CAB39L: variants seen among roughly 807,000 people sequenced by gnomAD.
CAB39L encodes calcium-binding protein 39-like.
A neutral mutation model predicts 39.1 loss-of-function variants in CAB39L; 23 were observed. The ratio of observed to expected loss-of-function variants is 0.59; its 90% CI spans 0.42 to 0.83. CAB39L has a LOEUF of 0.83. Among genes scored for constraint, CAB39L ranks in the 40% least tolerant of loss-of-function variants. The pLI, the probability that CAB39L is intolerant of heterozygous loss-of-function variation, is 0.00. For missense variants in CAB39L, 366 were observed against 391.9 expected (o/e 0.93, Z 0.56); for synonymous variants, 126 against 137.2 (o/e 0.92, Z 0.57).
chr13:49,335,830 A>T (rs1010604576), intron 9 of CAB39L, among the ~76,000 whole-genome samples: 9 of 152,338 alleles, frequency 5.9e-5, no homozygotes, highest in Admixed American at 6.5e-5. Flanking sequence ...TGACACCAGG[A>T]ATTAAGCAGT....
At chr13:49,373,842 G>T (rs1955987795) in intron 5 of CAB39L, among the ~76,000 whole-genome samples, 1 of 152,206 alleles carries the variant, frequency 6.6e-6, no homozygotes, top group Admixed American at 6.5e-5. Context: ...TAAGTCTGAA[G>T]TCAGAAGGAA....
At chr13:49,440,916 G>A (rs1957506508) in intron 1 of CAB39L, among the ~76,000 whole-genome samples, 1 of 151,912 alleles carries the variant, frequency 6.6e-6, no homozygotes, top group South Asian at 2.1e-4. Flanking sequence ...GGGTTTTCTA[G>A]GTATACAATC....
At chr13:49,391,070 T>A (rs968693596) in intron 3 of CAB39L, among the ~76,000 whole-genome samples, 5 of 152,274 alleles carry the variant, frequency 3.3e-5, no homozygotes, top group Admixed American at 2.0e-4. Context: ...ACTGTGAAAT[T>A]TCTGAACTCT....
intron 5 of CAB39L, among the ~76,000 whole-genome samples, chr13:49,371,864 T>A (rs4942819): frequency 0.2 from 29,784 of 152,026 alleles, 3,102 homozygotes; most frequent in African/African-American, 0.24. Context: ...AGTGCTGGGA[T>A]TATAGGCGTG....
At chr13:49,343,602 G>A (rs1346363416) in intron 8 of CAB39L, among the ~76,000 whole-genome samples, 2 of 90,232 alleles carry the variant, frequency 2.2e-5, no homozygotes, top group East Asian at 3.9e-4. Flanking sequence ...AAGGGGAGAG[G>A]AGGGAGAGGA....
At chr13:49,408,862 A>T (rs1008103435) in intron 3 of CAB39L, among the ~76,000 whole-genome samples, 1 of 152,184 alleles carries the variant, frequency 6.6e-6, no homozygotes, top group East Asian at 1.9e-4. Flanking sequence ...CTAAATAAAC[A>T]GTGGTTAGAG....
intron 3 of CAB39L, among the ~76,000 whole-genome samples, chr13:49,388,177 G>A (rs1956408111): frequency 6.6e-6 from 1 of 152,152 alleles, no homozygotes; most frequent in Non-Finnish European, 1.5e-5. Context: ...AAAATGGAGT[G>A]TTATCCCCTA....
chr13:49,375,807 G>GAAAA (rs34734102), intron 5 of CAB39L, among the ~76,000 whole-genome samples: 2 of 145,696 alleles, frequency 1.4e-5, no homozygotes, highest in Non-Finnish European at 3.0e-5. Flanking sequence ...TAAAAAAATT[G>GAAAA]AAAAAAAAAA....
intron 10 of CAB39L, among the ~76,000 whole-genome samples, chr13:49,326,676 T>C (rs1954510668): frequency 6.6e-6 from 1 of 152,166 alleles, no homozygotes; most frequent in Admixed American, 6.5e-5. Context: ...CATACTTCAG[T>C]GGAAGGAACA....
intron 1 of CAB39L, among the ~76,000 whole-genome samples, chr13:49,442,378 C>T (rs1047297533): frequency 1.3e-5 from 2 of 152,254 alleles, no homozygotes; most frequent in Admixed American, 1.3e-4. Context: ...TATTTCCTTA[C>T]AAGTTTCTTA....
intron 7 of CAB39L, among the ~76,000 whole-genome samples, chr13:49,346,654 A>G (rs1955186765): frequency 6.6e-6 from 1 of 152,206 alleles, no homozygotes; most frequent in Non-Finnish European, 1.5e-5. Context: ...GCTGCCGTTT[A>G]GAGGGCTGAC....
At chr13:49,389,441 G>A (rs1369531424) in intron 3 of CAB39L, among the ~76,000 whole-genome samples, 1 of 152,144 alleles carries the variant, frequency 6.6e-6, no homozygotes, top group Non-Finnish European at 1.5e-5. Flanking sequence ...AGGAGTTCGA[G>A]ACCAGCATGG....
chr13:49,339,703 A>G lies in CAB39L; in HGVS notation c.664T>C (p.Tyr222His). 6.3e-7 allele frequency: 1 copy of G among 1,580,542 alleles called. No individual in the cohort carries two copies. The highest frequency in any genetic ancestry group is 2.3e-5 in the East Asian group (1 of 43,390). Reference protein sequence around the residue: ...DYEKLLQSENYVTKRQSLKLL... With the variant: ...DYEKLLQSENHVTKRQSLKLL... ...TTTAAAGACTGTCTCTTAGTAACAT[A>G]ATTCTCAGACTGAAGCAATTTCTCA... Residue 222 changes from tyrosine (Y) to histidine (H), a missense_variant, in exon 9 of 11, where the codon TAT (tyrosine) becomes CAT (histidine). Physicochemically the swap from Tyr to His is moderately conservative, Grantham distance 83. Coordinates refer to ENST00000409308, the MANE Select transcript of CAB39L (RefSeq NM_001079670.3).
chr13:49,332,970 G>A (rs981802427), intron 9 of CAB39L, among the ~76,000 whole-genome samples: 2 of 151,978 alleles, frequency 1.3e-5, no homozygotes, highest in African/African-American at 4.8e-5. Flanking sequence ...TCATTACATG[G>A]TTACAGAAAT....
chr13:49,439,921 G>GTTTTTTTTTTT (rs34993624), intron 1 of CAB39L, among the ~76,000 whole-genome samples: 391 of 78,496 alleles, frequency 5.0e-3, no homozygotes, highest in Non-Finnish European at 6.6e-3. Context: ...TTTTTAATGG[G>GTTTTTTTTTTT]TTTTTTTTTT....
At chr13:49,429,678 C>A (rs772209080) in intron 3 of CAB39L, among the ~76,000 whole-genome samples, 24 of 152,232 alleles carry the variant, frequency 1.6e-4, no homozygotes, top group Non-Finnish European at 2.9e-4. Flanking sequence ...CATGAGTATA[C>A]CATGAGGTTC....
chr13:49,430,408 T>C (rs1957303674), intron 3 of CAB39L, among the ~76,000 whole-genome samples: 1 of 152,202 alleles, frequency 6.6e-6, no homozygotes, highest in Non-Finnish European at 1.5e-5. Context: ...AAGGTGGCTA[T>C]AACCTAATTG....
intron 3 of CAB39L, among the ~76,000 whole-genome samples, chr13:49,417,608 C>CA (rs756748375): frequency 6.8e-5 from 5 of 74,062 alleles, no homozygotes; most frequent in Admixed American, 3.7e-4. Flanking sequence ...ATAACAGAAG[C>CA]AAATAACGGA....
intron 1 of CAB39L, among the ~76,000 whole-genome samples, chr13:49,435,793 G>C (rs116668818): frequency 8.5e-5 from 13 of 152,150 alleles, no homozygotes; most frequent in Admixed American, 1.3e-4. Flanking sequence ...GAGCCACCAC[G>C]CCCAGTCTGG....
Sources: gnomAD v4.1 joint callset for allele counts (sites outside exome capture counted in the v4.1 genomes callset) on GRCh38, gnomAD v4.1.1 for gene constraint, MANE v1.5 for transcripts, NCBI Gene and HGNC (gene_info 2026-07-23, HGNC 2026-07-21) for gene names.